Variants in AFG2A observed in about 807,000 individuals in gnomAD.
AFG2A encodes the protein ATPase family gene 2 protein homolog A.
the AFG2A span, among the ~76,000 whole-genome samples, chr4:123,135,770 T>C: frequency 6.6e-6 from 1 of 152,196 alleles, no homozygotes; most frequent in Non-Finnish European, 1.5e-5. Flanking sequence ...GACTTGAGCA[T>C]CCATGGAGTT....
the AFG2A span, among the ~76,000 whole-genome samples, chr4:122,940,267 A>G: frequency 3.3e-5 from 5 of 151,864 alleles, no homozygotes; most frequent in Non-Finnish European, 7.4e-5. Context: ...AAGTGTTCCT[A>G]TTTCTCCACA....
the AFG2A span, among the ~76,000 whole-genome samples, chr4:122,943,367 T>C: frequency 2.6e-5 from 4 of 152,246 alleles, no homozygotes; most frequent in East Asian, 7.7e-4. Context: ...TCGTGTTGAA[T>C]TGATCCCTTT....
At chr4:123,310,200 GTCAGCTGCTTGTGCA>G in the AFG2A span, among the ~76,000 whole-genome samples, 2 of 152,228 alleles carry the variant, frequency 1.3e-5, no homozygotes, top group Non-Finnish European at 2.9e-5. Flanking sequence ...GTGGCGCTCT[GTCAGCTGCTTGTGCA>G]TCAGCTGCTT....
chr4:123,154,782 C>CAT, the AFG2A span, among the ~76,000 whole-genome samples: 8 of 151,928 alleles, frequency 5.3e-5, no homozygotes, highest in African/African-American at 1.9e-4. Flanking sequence ...TAGTGCTTGA[C>CAT]ATATATATAA....
At chr4:122,934,156 A>G in the AFG2A span, 1 of 1,614,186 alleles carries the variant, frequency 6.2e-7, no homozygotes, top group South Asian at 1.1e-5. Context: ...ACGACCGTAC[A>G]AGCTGCAAGT....
At chr4:122,959,607 T>A in the AFG2A span, among the ~76,000 whole-genome samples, 1 of 152,220 alleles carries the variant, frequency 6.6e-6, no homozygotes, top group Non-Finnish European at 1.5e-5. Flanking sequence ...AGTAATGGCA[T>A]GAATTGAAGT....
chr4:123,283,897 C>A, the AFG2A span, among the ~76,000 whole-genome samples: 175 of 152,206 alleles, frequency 1.1e-3, 1 homozygote, highest in Non-Finnish European at 2.0e-3. Context: ...AGTTTGCGCA[C>A]CCCTGATGTA....
At chr4:123,219,976 T>C in the AFG2A span, among the ~76,000 whole-genome samples, 3 of 152,056 alleles carry the variant, frequency 2.0e-5, no homozygotes, top group African/African-American at 7.2e-5. Context: ...TTCAAGCGAT[T>C]CTCCTGCCTC....
At chr4:123,130,699 A>G in the AFG2A span, among the ~76,000 whole-genome samples, 269 of 152,360 alleles carry the variant, frequency 1.8e-3, no homozygotes, top group African/African-American at 6.2e-3. Context: ...AGCTTTTGCT[A>G]TGAAGAATGT....
the AFG2A span, among the ~76,000 whole-genome samples, chr4:123,024,318 C>T: frequency 2.7e-5 from 4 of 148,210 alleles, no homozygotes; most frequent in Non-Finnish European, 6.0e-5. Flanking sequence ...AAAAAATCAC[C>T]AAAGAAAAAG....
At chr4:122,968,570 G>A in the AFG2A span, among the ~76,000 whole-genome samples, 1,835 of 152,246 alleles carry the variant, frequency 0.012, 42 homozygotes, top group African/African-American at 0.041. Context: ...ATTTTATTCT[G>A]CATAGCAGGA....
At chr4:122,932,506 C>G in the AFG2A span, among the ~76,000 whole-genome samples, 3 of 152,076 alleles carry the variant, frequency 2.0e-5, no homozygotes, top group Non-Finnish European at 4.4e-5. Context: ...ATCACTTACA[C>G]TTCCCCTTGA....
At chr4:123,118,334 ATATAT>A in the AFG2A span, among the ~76,000 whole-genome samples, 2 of 13,632 alleles carry the variant, frequency 1.5e-4, no homozygotes, top group African/African-American at 2.6e-4. Flanking sequence ...TATATAATAT[ATATAT>A]TATATTATAT....
At chr4:123,102,796 T>TTGTG in the AFG2A span, among the ~76,000 whole-genome samples, 1 of 78,290 alleles carries the variant, frequency 1.3e-5, no homozygotes, top group East Asian at 3.2e-4. Flanking sequence ...GTTCCTGGCA[T>TTGTG]TCTGTGTGTG....
the AFG2A span, among the ~76,000 whole-genome samples, chr4:123,042,878 T>A: frequency 6.6e-6 from 1 of 152,242 alleles, no homozygotes; most frequent in African/African-American, 2.4e-5. Flanking sequence ...ATAAACTTTA[T>A]ATTGTAGAGT....
chr4:123,056,202 T>C, the AFG2A span, among the ~76,000 whole-genome samples: 1 of 152,236 alleles, frequency 6.6e-6, no homozygotes, highest in African/African-American at 2.4e-5. Flanking sequence ...GTGTGGTTTT[T>C]GGAATGTAGA....
the AFG2A span, among the ~76,000 whole-genome samples, chr4:122,940,208 C>CT: frequency 6.6e-6 from 1 of 151,534 alleles, no homozygotes; most frequent in Non-Finnish European, 1.5e-5. Context: ...AATCGCCACA[C>CT]TGACTTCCAC....
chr4:123,088,973 A>C, the AFG2A span, among the ~76,000 whole-genome samples: 34 of 152,300 alleles, frequency 2.2e-4, no homozygotes, highest in South Asian at 6.0e-3. Flanking sequence ...CAAAAAAGCA[A>C]ATTTGTGTAC....
the AFG2A span, among the ~76,000 whole-genome samples, chr4:123,008,789 C>T: frequency 6.6e-6 from 1 of 152,126 alleles, no homozygotes; most frequent in African/African-American, 2.4e-5. Context: ...AATCTGAAAA[C>T]TAGCAGCAGA....
Sources: gnomAD v4.1 joint callset for allele counts (sites outside exome capture counted in the v4.1 genomes callset) on GRCh38, gnomAD v4.1.1 for gene constraint, MANE v1.5 for transcripts, NCBI Gene and HGNC (gene_info 2026-07-23, HGNC 2026-07-21) for gene names.